B4GALT1: variants seen among roughly 807,000 people sequenced by gnomAD.
B4GALT1 encodes N-acetyllactosamine synthase.
In B4GALT1, 16 loss-of-function variants were observed where a neutral mutation model predicts 34.9. That is an observed-to-expected ratio of 0.46 (90% CI 0.31 to 0.70). The LOEUF is 0.70. Ranked by LOEUF, B4GALT1 falls within the 30% of genes least tolerant of loss-of-function variation. The probability of loss-of-function intolerance (pLI) is 0.05; values close to 1 mark genes in which losing one functional copy is unlikely to be tolerated. For missense variants in B4GALT1, 445 were observed against 530.5 expected (o/e 0.84, Z 1.58); for synonymous variants, 221 against 218.1 (o/e 1.01, Z -0.12).
intron 2 of B4GALT1, among the ~76,000 whole-genome samples, chr9:33,130,699 C>T (rs1380775742): frequency 6.6e-6 from 1 of 151,688 alleles, no homozygotes; most frequent in Non-Finnish European, 1.5e-5. Flanking sequence ...ATACGTGGCC[C>T]TATTTTGAAG....
At position 33,167,201 on chromosome 9, in the gene B4GALT1, C is replaced by T. The variant is rs764840972; in HGVS notation, c.-32G>A. On this transcript the variant is annotated 5_prime_UTR_variant, in exon 1 of 6. Transcript: ENST00000379731. ...GCCGCCGCTTTAAGAAGGGTGTGGG[C>T]TACAGGAGGGGAGGCGACCCGCCCG... is the stretch of plus-strand genomic sequence containing the variant. 6.4e-7 allele frequency: 1 copy of T among 1,557,388 alleles called. No homozygotes were observed. The highest frequency in any genetic ancestry group is 1.2e-5 in the South Asian group (1 of 85,100).
intron 2 of B4GALT1, among the ~76,000 whole-genome samples, chr9:33,133,195 G>A (rs1022803931): frequency 6.6e-6 from 1 of 152,148 alleles, no homozygotes; most frequent in Non-Finnish European, 1.5e-5. Flanking sequence ...GAGCCACTGC[G>A]CCTAGGCCCA....
intron 1 of B4GALT1, among the ~76,000 whole-genome samples, chr9:33,151,494 C>T (rs1813342817): frequency 6.6e-6 from 1 of 152,216 alleles, no homozygotes; most frequent in Non-Finnish European, 1.5e-5. Context: ...GCCAAGTACT[C>T]CTGGCAATAT....
intron 2 of B4GALT1, among the ~76,000 whole-genome samples, chr9:33,129,043 G>C (rs1840154589): frequency 6.6e-6 from 1 of 152,226 alleles, no homozygotes; most frequent in Non-Finnish European, 1.5e-5. Context: ...AAGCCAGACA[G>C]AGTCCTCAGG....
intron 1 of B4GALT1, among the ~76,000 whole-genome samples, chr9:33,156,093 A>C (rs1840589778): frequency 6.6e-6 from 1 of 151,920 alleles, no homozygotes; most frequent in African/African-American, 2.4e-5. Context: ...TCACAAATTG[A>C]ATATGCCCCA....
At chr9:33,115,933 T>C (rs567333867) in intron 4 of B4GALT1, 58 bp downstream of exon 4, 3 of 1,584,410 alleles carry the variant, frequency 1.9e-6, no homozygotes, top group South Asian at 2.2e-5. Flanking sequence ...AAGCATTGGT[T>C]AAAAAACTGG....
chr9:33,113,651 G>A (rs1035452504), intron 5 of B4GALT1, 65 bp from the exon 6 acceptor site: 13 of 1,610,164 alleles, frequency 8.1e-6, no homozygotes, highest in Admixed American at 6.7e-5. Context: ...ATCATCACAC[G>A]TACTTCCTCC....
the B4GALT1 span, among the ~76,000 whole-genome samples, chr9:33,175,203 A>G: frequency 6.7e-6 from 1 of 150,340 alleles, no homozygotes; most frequent in Non-Finnish European, 1.5e-5. Flanking sequence ...AGTCCTAGCT[A>G]CTTGGAAGGC....
chr9:33,152,477 T>A (rs185692094), intron 1 of B4GALT1, among the ~76,000 whole-genome samples: 201 of 138,180 alleles, frequency 1.5e-3, no homozygotes, highest in African/African-American at 5.3e-3. Flanking sequence ...TATAAAAAGC[T>A]CCTGCAAACA....
downstream of B4GALT1, among the ~76,000 whole-genome samples, chr9:33,105,672 CTCTG>C (rs910542536): frequency 4.7e-4 from 71 of 152,248 alleles, no homozygotes; most frequent in African/African-American, 1.5e-3. Context: ...TGCCTTCTGT[CTCTG>C]TGAGTTTGAC....
At chr9:33,154,788 G>C (rs1840572948) in intron 1 of B4GALT1, among the ~76,000 whole-genome samples, 1 of 152,182 alleles carries the variant, frequency 6.6e-6, no homozygotes, top group African/African-American at 2.4e-5. Context: ...GGCCAGGATG[G>C]CTTTGAATGC....
chr9:33,129,062 C>T (rs893953955), intron 2 of B4GALT1, among the ~76,000 whole-genome samples: 13 of 152,188 alleles, frequency 8.5e-5, no homozygotes, highest in Admixed American at 3.9e-4. Flanking sequence ...GGGCAGCCCT[C>T]CCTCCATTTC....
chr9:33,177,852 A>G, the B4GALT1 span, among the ~76,000 whole-genome samples: 12 of 152,176 alleles, frequency 7.9e-5, no homozygotes, highest in Non-Finnish European at 1.3e-4. Context: ...CTGGGAGCTC[A>G]GCTGGAACTG....
chr9:33,156,779 C>G (rs1840599691), intron 1 of B4GALT1, among the ~76,000 whole-genome samples: 1 of 152,118 alleles, frequency 6.6e-6, no homozygotes, highest in African/African-American at 2.4e-5. Context: ...GCAGTGTTTC[C>G]AAAAACTGAT....
chr9:33,116,844 T>TGGGTG (rs1839947139), intron 3 of B4GALT1, among the ~76,000 whole-genome samples: 1 of 137,216 alleles, frequency 7.3e-6, no homozygotes, highest in Admixed American at 7.2e-5. Context: ...TTTTTGATGG[T>TGGGTG]GGGTGGGGTG....
intron 2 of B4GALT1, among the ~76,000 whole-genome samples, chr9:33,132,252 C>T (rs1161263941): frequency 2.6e-5 from 4 of 152,082 alleles, no homozygotes; most frequent in Admixed American, 2.6e-4. Context: ...GGAGGACGGG[C>T]AGTTCCTAGT....
At chr9:33,126,828 C>T (rs1200534499) in intron 2 of B4GALT1, among the ~76,000 whole-genome samples, 1 of 152,164 alleles carries the variant, frequency 6.6e-6, no homozygotes, top group Non-Finnish European at 1.5e-5. Flanking sequence ...TTGACCCCTG[C>T]CACACAGGAA....
chr9:33,177,450 C>T, the B4GALT1 span: 3 of 152,120 alleles, frequency 2.0e-5, no homozygotes, highest in Non-Finnish European at 4.4e-5. Flanking sequence ...ATGGCCAAAC[C>T]TAGCCCACCG....
At chr9:33,128,407 T>C (rs1840144208) in intron 2 of B4GALT1, among the ~76,000 whole-genome samples, 1 of 151,600 alleles carries the variant, frequency 6.6e-6, no homozygotes, top group African/African-American at 2.4e-5. Context: ...TGTCACAGAG[T>C]CATGGGTGAG....
Sources: allele counts gnomAD v4.1 joint callset (sites outside exome capture counted in the v4.1 genomes callset), GRCh38; gene constraint gnomAD v4.1.1; transcripts MANE v1.5; gene names NCBI Gene and HGNC (gene_info 2026-07-23, HGNC 2026-07-21).